EZH1: variants seen among roughly 807,000 people sequenced by gnomAD.
EZH1 encodes the protein histone-lysine N-methyltransferase EZH1.
Under a neutral mutation model 100.5 loss-of-function variants are expected in EZH1, and 33 were observed. The ratio of observed to expected loss-of-function variants is 0.33; its 90% CI spans 0.25 to 0.44. EZH1 has a LOEUF of 0.44. Ranked by LOEUF, EZH1 falls within the 20% of genes least tolerant of loss-of-function variation. The pLI is 1.00. For missense variants in EZH1, 475 were observed against 928.4 expected, an observed-to-expected ratio of 0.51 and a Z score of 6.35; for synonymous variants, 272 against 313.8, an observed-to-expected ratio of 0.87 and a Z score of 1.41.
intron 10 of EZH1, among the ~76,000 whole-genome samples, chr17:42,715,426 T>C (rs968498289): frequency 4.0e-5 from 6 of 151,716 alleles, no homozygotes; most frequent in African/African-American, 1.2e-4. Flanking sequence ...TTTGTATTTT[T>C]TATAGACATG....
In EZH1 at chr17:42,712,475, A is replaced by T. The variant is rs753067792; in HGVS notation, c.1215T>A (p.Ser405=). ...TCTGTTTTGTGGGAGTCTGACAGCG[A>T]GAGTTAGCCTCTGAGAAGGGAAGAA... ...DWASSSSEAN[S]RCQTPTKQKA... The change falls in exon 12 of 21, where the codon TCT becomes TCA. Residue 405 remains serine (S), a synonymous_variant. Transcript: ENST00000428826. 1.2e-6 allele frequency: 2 copies of T among 1,612,980 alleles called. No individual in the cohort carries two copies. Among genetic ancestry groups the T allele is most frequent in the Non-Finnish European group, 8.5e-7 (1 of 1,179,596 alleles).
At chr17:42,702,666 G>A (rs764841388) in intron 20 of EZH1, 74 bp from the exon 21 acceptor site, 298 of 1,446,270 alleles carry the variant, frequency 2.1e-4, no homozygotes, top group Non-Finnish European at 2.6e-4. Flanking sequence ...GTCCCCTCCC[G>A]TTTCACTTCC....
intron 1 of EZH1, among the ~76,000 whole-genome samples, chr17:42,738,200 T>C (rs2054103874): frequency 1.3e-5 from 2 of 150,880 alleles, no homozygotes; most frequent in Non-Finnish European, 3.0e-5. Context: ...AAAAAAAATT[T>C]AAGGAACAAG....
Position 42,708,111 on chromosome 17 carries a change from G to A in EZH1, c.1535-28C>T, listed in dbSNP as rs1222955847. ...AGGAAAGAAAACAGAGGAGGATGCTGCTGTGACCATACTCTCCAGCTGTCT... is the reference window on the plus strand; with the variant it reads ...AGGAAAGAAAACAGAGGAGGATGCTACTGTGACCATACTCTCCAGCTGTCT... On this transcript the variant is annotated intron_variant, in intron 14 of 20. Transcript: ENST00000428826. The A allele has an allele frequency of 2.5e-6, 4 of 1,573,648 alleles. No homozygotes were observed. The Admixed American group carries it at 5.5e-5, about 21-fold the overall frequency.
At chr17:42,711,120 G>A (rs2053473200) in intron 12 of EZH1, among the ~76,000 whole-genome samples, 1 of 152,084 alleles carries the variant, frequency 6.6e-6, no homozygotes, top group Non-Finnish European at 1.5e-5. Context: ...CCAATCACTT[G>A]AGGTCAGGAG....
chr17:42,716,643 G>A (rs533018633), intron 10 of EZH1, among the ~76,000 whole-genome samples: 1 of 152,004 alleles, frequency 6.6e-6, no homozygotes, highest in Non-Finnish European at 1.5e-5. Context: ...TATAAATGCT[G>A]GTATGTTGAC....
At chr17:42,739,642 G>A (rs1050007222) in intron 1 of EZH1, among the ~76,000 whole-genome samples, 45 of 151,994 alleles carry the variant, frequency 3.0e-4, no homozygotes, top group African/African-American at 9.2e-4. Flanking sequence ...CAGGAGAATC[G>A]CTTGAACCCA....
At chr17:42,728,576 C>T (rs2053871526) in intron 3 of EZH1, among the ~76,000 whole-genome samples, 1 of 151,110 alleles carries the variant, frequency 6.6e-6, no homozygotes, top group African/African-American at 2.4e-5. Flanking sequence ...CCCATCTCTA[C>T]TAAAAATACA....
rs1305454770 is a variant in EZH1 at position 42,700,933 on chromosome 17, GACA to G, written c.*1596_*1598del. On this transcript the variant is annotated 3_prime_UTR_variant, in exon 21 of 21. Transcript: ENST00000428826. The stretch of plus-strand genomic sequence containing the variant: ...AGGAACCCCACTTCTTCCTTCATGG[GACA>G]ACAAGTGGAGTGGGAAGAAGCGGGG... 6.6e-6 allele frequency: 1 copy of G among 152,372 alleles called. No individual in the cohort carries two copies. The highest frequency in any genetic ancestry group is 2.4e-5 in the African/African-American group (1 of 41,418). 9.4% of individuals were successfully genotyped at this position (152,372 alleles called of 1,614,324 possible). A position where few individuals can be genotyped will look rare whatever the true frequency, so the allele number is the denominator to read the frequency against.
chr17:42,727,012 G>A (rs2053834258), intron 4 of EZH1, among the ~76,000 whole-genome samples: 1 of 151,672 alleles, frequency 6.6e-6, no homozygotes, highest in African/African-American at 2.4e-5. Context: ...ATCACACGCA[G>A]CTAACTTTTG....
chr17:42,722,097 C>T (rs1180271041), intron 6 of EZH1, among the ~76,000 whole-genome samples: 2 of 147,866 alleles, frequency 1.4e-5, no homozygotes, highest in African/African-American at 2.5e-5. Context: ...TACAGTGAGC[C>T]GAGATTGTGC....
At chr17:42,711,569 G>A (rs1337372928) in intron 12 of EZH1, among the ~76,000 whole-genome samples, 1 of 152,040 alleles carries the variant, frequency 6.6e-6, no homozygotes, top group African/African-American at 2.4e-5. Flanking sequence ...CTTGAACTTG[G>A]GAGGCGGAGG....
chr17:42,727,793 T>C (rs1473392948), intron 3 of EZH1, 30 bp from the exon 4 acceptor site: 19 of 1,444,750 alleles, frequency 1.3e-5, no homozygotes, highest in South Asian at 1.6e-5. Flanking sequence ...GATTAAGATA[T>C]ATTGTTATTT....
In EZH1 at chr17:42,702,269, C is replaced by A; in HGVS notation, c.*263G>T. The A allele has an allele frequency of 4.8e-6, 2 of 412,584 alleles. No individual in the cohort carries two copies. Among genetic ancestry groups the A allele is most frequent in the South Asian group, 6.9e-5 (1 of 14,442 alleles). The allele number at this position is 412,584 out of a possible 1,614,324, so 25.6% of individuals were successfully genotyped here. On this transcript the variant is annotated 3_prime_UTR_variant, in exon 21 of 21. Transcript: ENST00000428826. ...TAAGTCATCCACCCCAGCCTGTGCTCGCTTCTTCTGAGGCCAGAGAAACAG... is the reference window on the plus strand; with the variant it reads ...TAAGTCATCCACCCCAGCCTGTGCTAGCTTCTTCTGAGGCCAGAGAAACAG...
chr17:42,720,573 G>A, intron 6 of EZH1, 124 bp from the exon 7 acceptor site: 2 of 777,922 alleles, frequency 2.6e-6, no homozygotes, highest in East Asian at 5.7e-5. Flanking sequence ...TTTTACATGG[G>A]AGATCAGGAA....
intron 3 of EZH1, 122 bp downstream of exon 3, chr17:42,728,703 C>A: frequency 1.0e-6 from 1 of 985,786 alleles, no homozygotes; most frequent in South Asian, 1.7e-5. Context: ...GATTACGCCA[C>A]TGCACTCCAA....
In EZH1 at chr17:42,707,891, G is replaced by C. The variant is rs1011275241; in HGVS notation, c.1660+67C>G. On this transcript the variant is annotated intron_variant, in intron 15 of 20. Coordinates refer to ENST00000428826, the MANE Select transcript of EZH1 (RefSeq NM_001991.5). ...ATAAGCAGTAAAGGGCACAGGAATG[G>C]GGCAAGCCTAGGGCACACTGGAGCC... 1.6e-5 allele frequency: 25 copies of C among 1,603,018 alleles called. No homozygotes were observed. The African/African-American group carries it at 2.9e-4, about 19-fold the overall frequency.
intron 4 of EZH1, among the ~76,000 whole-genome samples, chr17:42,726,090 G>A (rs949131210): frequency 1.3e-5 from 2 of 151,218 alleles, no homozygotes; most frequent in Admixed American, 6.6e-5. Flanking sequence ...TGTTGGCCAG[G>A]CTGGTCTTGA....
At chr17:42,705,000 T>C (rs2053323254) in intron 17 of EZH1, 88 bp downstream of exon 17, 1 of 1,142,702 alleles carries the variant, frequency 8.8e-7, no homozygotes, top group Non-Finnish European at 1.3e-6. Context: ...ATTTAGAGAT[T>C]AATTCAAAGA....
Sources: gnomAD v4.1 joint callset for allele counts (sites outside exome capture counted in the v4.1 genomes callset) on GRCh38, gnomAD v4.1.1 for gene constraint, MANE v1.5 for transcripts, NCBI Gene and HGNC (gene_info 2026-07-23, HGNC 2026-07-21) for gene names.